The following CDKAL1 variants were observed in gnomAD, a reference collection of about 807,000 sequenced individuals.
The protein encoded by CDKAL1 is threonylcarbamoyladenosine tRNA methylthiotransferase.
Under a neutral mutation model 68.2 loss-of-function variants are expected in CDKAL1, and 32 were observed. That is an observed-to-expected ratio of 0.47 (90% CI 0.35 to 0.63). The LOEUF is 0.63. Ranked by LOEUF, CDKAL1 falls within the 30% of genes least tolerant of loss-of-function variation. CDKAL1 has a pLI of 0.00. For synonymous variants in CDKAL1, 234 were observed against 244.3 expected (o/e 0.96, Z 0.39); for missense variants, 606 against 696.7 (o/e 0.87, Z 1.47).
intron 13 of CDKAL1, among the ~76,000 whole-genome samples, chr6:21,172,819 A>G (rs1271334590): frequency 6.6e-6 from 1 of 152,172 alleles, no homozygotes; most frequent in Non-Finnish European, 1.5e-5. Flanking sequence ...AAATTATTTA[A>G]TGACATTTTC....
chr6:21,122,393 T>C (rs1774768911), intron 13 of CDKAL1, among the ~76,000 whole-genome samples: 1 of 152,204 alleles, frequency 6.6e-6, no homozygotes, highest in South Asian at 2.1e-4. Flanking sequence ...TTCGTTTTTC[T>C]CAGCTATAAG....
At chr6:21,206,515 C>G (rs1778944250) in intron 15 of CDKAL1, among the ~76,000 whole-genome samples, 1 of 152,108 alleles carries the variant, frequency 6.6e-6, no homozygotes, top group Non-Finnish European at 1.5e-5. Flanking sequence ...GAAGTCAGAA[C>G]TATTCTTTGC....
chr6:21,055,262 C>T (rs1770763741), intron 11 of CDKAL1, among the ~76,000 whole-genome samples: 1 of 151,670 alleles, frequency 6.6e-6, no homozygotes, highest in Non-Finnish European at 1.5e-5. Flanking sequence ...TTCAGTTTGC[C>T]AATATTTTGT....
At chr6:21,014,346 G>A (rs747604899) in intron 11 of CDKAL1, among the ~76,000 whole-genome samples, 3 of 152,196 alleles carry the variant, frequency 2.0e-5, no homozygotes, top group Non-Finnish European at 4.4e-5. Context: ...GCTCACACCT[G>A]TAATCCCAGC....
At chr6:21,043,446 C>T (rs982519657) in intron 11 of CDKAL1, among the ~76,000 whole-genome samples, 4 of 152,132 alleles carry the variant, frequency 2.6e-5, no homozygotes, top group East Asian at 3.9e-4. Flanking sequence ...GATGCTGTTT[C>T]TTCATTTCCA....
intron 12 of CDKAL1, among the ~76,000 whole-genome samples, chr6:21,092,431 C>T (rs992185286): frequency 6.6e-6 from 1 of 151,938 alleles, no homozygotes; most frequent in Non-Finnish European, 1.5e-5. Flanking sequence ...CCACTCCCCT[C>T]GACAGGCCCT....
intron 13 of CDKAL1, among the ~76,000 whole-genome samples, chr6:21,154,208 T>C (rs1381675094): frequency 6.6e-6 from 1 of 152,174 alleles, no homozygotes; most frequent in Admixed American, 6.5e-5. Context: ...ACACACATCA[T>C]CCATACTCAT....
chr6:21,048,709 G>A lies in CDKAL1; in HGVS notation c.1056-16339G>A, dbSNP rs141763087. The stretch of plus-strand genomic sequence containing the variant: ...TATTAGAGGCAACTGCATTTTGACT[G>A]TATAATTTTATAAATTATTCTTCCC... On this transcript the variant is annotated intron_variant, in intron 11 of 15. Transcript: ENST00000274695. Among the ~76,000 whole-genome samples the A allele has an allele frequency of 4.0e-4, 61 of 152,110 alleles. 1 individual carries two copies. The East Asian group carries it at 8.7e-3, about 22-fold the overall frequency.
intron 13 of CDKAL1, among the ~76,000 whole-genome samples, chr6:21,155,002 A>C (rs879367874): frequency 0.019 from 1,516 of 78,168 alleles, 19 homozygotes; most frequent in African/African-American, 0.064. Context: ...ACCCCCCCCA[A>C]AAAAAAAAAA....
intron 11 of CDKAL1, among the ~76,000 whole-genome samples, chr6:21,023,571 G>A (rs1019124707): frequency 3.3e-5 from 5 of 151,854 alleles, no homozygotes; most frequent in African/African-American, 7.3e-5. Flanking sequence ...TACACTTATC[G>A]CTTTCCTTTT....
chr6:20,897,055 G>A (rs1761726128), intron 9 of CDKAL1, among the ~76,000 whole-genome samples: 1 of 152,120 alleles, frequency 6.6e-6, no homozygotes, highest in African/African-American at 2.4e-5. Flanking sequence ...TAAGATCATG[G>A]TGCCAACAGA....
chr6:20,974,040 C>T (rs1472191864), intron 10 of CDKAL1, among the ~76,000 whole-genome samples: 1 of 152,172 alleles, frequency 6.6e-6, no homozygotes, highest in Non-Finnish European at 1.5e-5. Context: ...AACAAAGAGG[C>T]CCCAAAATAT....
At chr6:20,776,864 G>A (rs942012188) in intron 7 of CDKAL1, among the ~76,000 whole-genome samples, 2 of 152,132 alleles carry the variant, frequency 1.3e-5, no homozygotes, top group African/African-American at 2.4e-5. Flanking sequence ...TCCTCTATTC[G>A]GTGAGTAAGG....
At chr6:20,868,963 G>T (rs1760050513) in intron 9 of CDKAL1, among the ~76,000 whole-genome samples, 1 of 152,170 alleles carries the variant, frequency 6.6e-6, no homozygotes, top group Non-Finnish European at 1.5e-5. Context: ...TACCAGGTGG[G>T]GCCCTGGGGC....
intron 12 of CDKAL1, among the ~76,000 whole-genome samples, chr6:21,092,331 G>A (rs904065061): frequency 4.6e-5 from 7 of 150,992 alleles, no homozygotes; most frequent in Non-Finnish European, 7.4e-5. Context: ...ATGTGCCATG[G>A]TGGTTTGCTG....
intron 13 of CDKAL1, among the ~76,000 whole-genome samples, chr6:21,167,337 T>C (rs1328677305): frequency 1.3e-5 from 2 of 152,204 alleles, no homozygotes; most frequent in African/African-American, 4.8e-5. Flanking sequence ...TCATTTCTAA[T>C]TACTGTGCCA....
intron 13 of CDKAL1, among the ~76,000 whole-genome samples, chr6:21,187,589 C>T (rs190586648): frequency 3.3e-5 from 5 of 152,116 alleles, no homozygotes; most frequent in Admixed American, 2.6e-4. Flanking sequence ...AGTTTTATAC[C>T]ATTGGTAATG....
chr6:21,171,618 C>G (rs9465980), intron 13 of CDKAL1, among the ~76,000 whole-genome samples: 9,513 of 152,272 alleles, frequency 0.062, 352 homozygotes, highest in Non-Finnish European at 0.076. Flanking sequence ...GGATACATCA[C>G]TTTATTAACT....
At chr6:20,954,514 T>C (rs1335161347) in intron 9 of CDKAL1, among the ~76,000 whole-genome samples, 1 of 152,204 alleles carries the variant, frequency 6.6e-6, no homozygotes, top group East Asian at 1.9e-4. Context: ...GCTCCCTTCA[T>C]TGTTTGTTTT....
Sources: gnomAD v4.1 joint callset for allele counts (sites outside exome capture counted in the v4.1 genomes callset) on GRCh38, gnomAD v4.1.1 for gene constraint, MANE v1.5 for transcripts, NCBI Gene and HGNC (gene_info 2026-07-23, HGNC 2026-07-21) for gene names.